TACR3: variants seen among roughly 807,000 people sequenced by gnomAD.
The protein encoded by TACR3 is neuromedin-K receptor.
In TACR3, 34 loss-of-function variants were observed where a neutral mutation model predicts 35.0. The ratio of observed to expected loss-of-function variants is 0.97; its 90% CI spans 0.74 to 1.30. The LOEUF is 1.30. Among genes scored for constraint, TACR3 ranks in the 50% most tolerant of loss-of-function variants. The pLI is 0.00. For synonymous variants in TACR3, 233 were observed against 221.1 expected (o/e 1.05, Z -0.48); for missense variants, 558 against 591.7 (o/e 0.94, Z 0.59).
chr4:103,694,819 G>C (rs1186035375), intron 1 of TACR3, among the ~76,000 whole-genome samples: 1 of 152,034 alleles, frequency 6.6e-6, no homozygotes, highest in Non-Finnish European at 1.5e-5. Flanking sequence ...ATTAAATATA[G>C]AGAGAGACAT....
chr4:103,628,816 G>A (rs544060277), intron 3 of TACR3, among the ~76,000 whole-genome samples: 117 of 142,796 alleles, frequency 8.2e-4, no homozygotes, highest in African/African-American at 3.1e-3. Flanking sequence ...GCATCATCCT[G>A]ATACCAAAGC....
chr4:103,701,708 A>G lies in TACR3; in HGVS notation c.548+17420T>C, dbSNP rs1440666623. Among the ~76,000 whole-genome samples, 3 of 152,316 alleles carry G rather than the reference A, an allele frequency of 2.0e-5. No homozygotes were observed. The East Asian group carries it at 5.8e-4, about 29-fold the overall frequency. ...TACTGGTACCAAAACAGAGATATAG[A>G]TCAATGGAACAGAACAGAGCCCTCA... On this transcript the variant is annotated intron_variant, in intron 1 of 4. Transcript: ENST00000304883.
At chr4:103,670,419 G>A (rs60155769) in intron 1 of TACR3, among the ~76,000 whole-genome samples, 23,340 of 151,830 alleles carry the variant, frequency 0.15, 2,315 homozygotes, top group East Asian at 0.43. Context: ...GAGTGCTTGG[G>A]GTAGAATAGA....
chr4:103,601,745 T>G (rs1207148466), intron 3 of TACR3, among the ~76,000 whole-genome samples: 1 of 152,236 alleles, frequency 6.6e-6, no homozygotes, highest in Non-Finnish European at 1.5e-5. Context: ...GAGTTTCTGC[T>G]GAGAGATCAG....
chr4:103,700,205 C>T (rs773333206), intron 1 of TACR3, among the ~76,000 whole-genome samples: 5 of 152,068 alleles, frequency 3.3e-5, no homozygotes, highest in Non-Finnish European at 1.5e-5. Context: ...TGACTTAAAG[C>T]TATCAAAGTA....
intron 1 of TACR3, among the ~76,000 whole-genome samples, chr4:103,707,998 G>T (rs1722837316): frequency 6.6e-6 from 1 of 152,202 alleles, no homozygotes; most frequent in Non-Finnish European, 1.5e-5. Context: ...AAACAAAGCG[G>T]CCAGGAAGCT....
At position 103,719,525 on chromosome 4, in the gene TACR3, G is replaced by T. The variant is rs752952225; in HGVS notation, c.151C>A (p.Leu51Ile). 1 of 1,608,976 alleles carries T rather than the reference G, an allele frequency of 6.2e-7. No individual in the cohort carries two copies. The change falls in exon 1 of 5, where the codon CTC becomes ATC. Residue 51 changes from leucine (L) to isoleucine (I), a missense_variant. Coordinates refer to ENST00000304883, the MANE Select transcript of TACR3 (RefSeq NM_001059.3). ...WLQLLDQAGNLSSSPSALGLP... is the reference protein window; with the variant it reads ...WLQLLDQAGNISSSPSALGLP... ...CCCAGCGCGGAAGGGGAGGAGGAGA[G>T]GTTGCCAGCTTGGTCCAGCAGTTGC...
intron 3 of TACR3, among the ~76,000 whole-genome samples, chr4:103,614,080 T>C (rs745889810): frequency 4.6e-5 from 7 of 152,188 alleles, no homozygotes; most frequent in Non-Finnish European, 7.4e-5. Context: ...ATATGAATTT[T>C]GGTGATGTAC....
intron 3 of TACR3, among the ~76,000 whole-genome samples, chr4:103,624,719 T>A (rs949674184): frequency 2.0e-5 from 3 of 152,148 alleles, no homozygotes; most frequent in South Asian, 2.1e-4. Flanking sequence ...TGTAACATGG[T>A]TTGTAAGACA....
chr4:103,607,157 T>C lies in TACR3; in HGVS notation c.889-15474A>G, dbSNP rs543036611. Among the ~76,000 whole-genome samples the C allele has an allele frequency of 3.9e-5, 6 of 152,294 alleles. No individual in the cohort carries two copies. The South Asian group carries it at 1.2e-3, about 32-fold the overall frequency. On this transcript the variant is annotated intron_variant, in intron 3 of 4. Coordinates refer to ENST00000304883, the MANE Select transcript of TACR3 (RefSeq NM_001059.3). ...ACCACATGATTATCTCAAGAGATAA[T>C]AATTCTTAATTAGACTTAGCAAATC...
rs530839097 is a variant in TACR3, at chr4:103,663,168, G to C, written c.549-4765C>G. Among the ~76,000 whole-genome samples the C allele has an allele frequency of 3.3e-5, 5 of 152,196 alleles. No homozygotes were observed. The East Asian group carries it at 9.7e-4, about 29-fold the overall frequency. ...CAGATTTCCTCCAGAAAAGAGCTTC[G>C]AGCTTCAGTCTGGAGACTGGAAGAG... On this transcript the variant is annotated intron_variant, in intron 1 of 4. Transcript: ENST00000304883.
intron 1 of TACR3, among the ~76,000 whole-genome samples, chr4:103,665,386 T>C (rs971920780): frequency 5.9e-5 from 9 of 151,892 alleles, no homozygotes; most frequent in Admixed American, 5.9e-4. Flanking sequence ...ATAAGTAAAA[T>C]GTATATACTG....
chr4:103,716,814 G>GA (rs1396077697), intron 1 of TACR3, among the ~76,000 whole-genome samples: 1 of 152,152 alleles, frequency 6.6e-6, no homozygotes, highest in African/African-American at 2.4e-5. Flanking sequence ...AGTGGGGATA[G>GA]AAAACACTCA....
At chr4:103,709,216 A>G (rs1216200239) in intron 1 of TACR3, among the ~76,000 whole-genome samples, 1 of 152,184 alleles carries the variant, frequency 6.6e-6, no homozygotes, top group African/African-American at 2.4e-5. Context: ...AGATTCACCA[A>G]AGTTGAAATG....
chr4:103,691,010 G>C (rs779198134), intron 1 of TACR3, among the ~76,000 whole-genome samples: 1 of 152,092 alleles, frequency 6.6e-6, no homozygotes, highest in Non-Finnish European at 1.5e-5. Flanking sequence ...TGGAACAAGC[G>C]CAACTCTCAC....
At chr4:103,692,471 C>A (rs1440878759) in intron 1 of TACR3, among the ~76,000 whole-genome samples, 2 of 152,012 alleles carry the variant, frequency 1.3e-5, no homozygotes, top group Non-Finnish European at 2.9e-5. Context: ...TATAACATAC[C>A]ACTCTCAGTA....
intron 3 of TACR3, among the ~76,000 whole-genome samples, chr4:103,629,869 A>C (rs557426868): frequency 0.015 from 1,848 of 122,750 alleles, 78 homozygotes; most frequent in African/African-American, 0.05. Context: ...AACAAAAAAA[A>C]AACAAAAAAA....
In TACR3 at chr4:103,589,893, C is replaced by A. The variant is rs201938668; in HGVS notation, c.1187G>T (p.Arg396Leu). ...GGTCACGGTGTACATACTGCTTTGC[C>A]GGTTTGGATGAAACCTGGTGGTCTT... ...ELKTTRFHPN[R>L]QSSMYTVTRM... The change falls in exon 5 of 5, where the codon CGG (arginine) becomes CTG (leucine). Residue 396 changes from arginine (R) to leucine (L), a missense_variant. Arg to Leu is a moderately radical substitution (Grantham distance 102). Coordinates refer to ENST00000304883, the MANE Select transcript of TACR3 (RefSeq NM_001059.3). 6.2e-7 allele frequency: 1 copy of A among 1,613,952 alleles called. No homozygotes were observed. Among genetic ancestry groups the A allele is most frequent in the Non-Finnish European group, 8.5e-7 (1 of 1,179,890 alleles).
At chr4:103,693,787 C>T (rs1296061657) in intron 1 of TACR3, among the ~76,000 whole-genome samples, 2 of 151,886 alleles carry the variant, frequency 1.3e-5, no homozygotes, top group Non-Finnish European at 2.9e-5. Context: ...TCCCTGTATT[C>T]TGATACTCTT....
Sources: allele counts gnomAD v4.1 joint callset (sites outside exome capture counted in the v4.1 genomes callset), GRCh38; gene constraint gnomAD v4.1.1; transcripts MANE v1.5; gene names NCBI Gene and HGNC (gene_info 2026-07-23, HGNC 2026-07-21).